The following PIPOX variants were observed in gnomAD, a reference collection of about 807,000 sequenced individuals.
PIPOX encodes the protein peroxisomal sarcosine oxidase.
A neutral mutation model predicts 47.9 loss-of-function variants in PIPOX; 45 were observed. That is an observed-to-expected ratio of 0.94 (90% confidence interval 0.74 to 1.20). The LOEUF (loss-of-function observed/expected upper bound fraction) is 1.20. PIPOX is among the 50% of genes most tolerant of loss of function. The pLI, the probability that PIPOX is intolerant of heterozygous loss-of-function variation, is 0.00. For synonymous variants in PIPOX, 165 were observed against 191.3 expected (o/e 0.86, Z 1.13); for missense variants, 458 against 498.4 (o/e 0.92, Z 0.77).
chr17:29,055,070 A>G lies in PIPOX; in HGVS notation c.815A>G (p.Tyr272Cys). 6.2e-7 allele frequency: 1 copy of G among 1,614,130 alleles called. No individual in the cohort carries two copies. Among genetic ancestry groups the G allele is most frequent in the Non-Finnish European group, 8.5e-7 (1 of 1,180,012 alleles). ...GEYPGLMKVS[Y>C]HHGNHADPEE... Reference sequence around the variant, plus strand: ...ACTCTGATTGGGAGCCAGGTCAGCTATCACCACGGCAACCACGCAGACCCT... The same window carrying G: ...ACTCTGATTGGGAGCCAGGTCAGCTGTCACCACGGCAACCACGCAGACCCT... Residue 272 changes from tyrosine (Y) to cysteine (C), a missense_variant, in exon 6 of 8, where the codon TAT becomes TGT. Tyr to Cys is a radical substitution (Grantham distance 194). Coordinates refer to ENST00000323372, the MANE Select transcript of PIPOX (RefSeq NM_016518.3).
chr17:29,049,736 G>A (rs1209711740), intron 2 of PIPOX, among the ~76,000 whole-genome samples: 1 of 152,192 alleles, frequency 6.6e-6, no homozygotes, highest in Non-Finnish European at 1.5e-5. Flanking sequence ...CATTTCTCCA[G>A]CAGCGCACGG....
chr17:29,050,658 C>A (rs1410430490), intron 2 of PIPOX, among the ~76,000 whole-genome samples: 1 of 151,844 alleles, frequency 6.6e-6, no homozygotes, highest in African/African-American at 2.4e-5. Flanking sequence ...TGCAACACAG[C>A]GAGACCCCTA....
intron 6 of PIPOX, among the ~76,000 whole-genome samples, 168 bp downstream of exon 6, chr17:29,055,389 C>T (rs2065823768): frequency 6.6e-6 from 1 of 152,134 alleles, no homozygotes; most frequent in African/African-American, 2.4e-5. Context: ...CAGGGAGGGT[C>T]CTGTTCGAAA....
Position 29,044,945 on chromosome 17 carries a change from G to A in PIPOX, c.201G>A (p.Met67Ile), listed in dbSNP as rs2065779390. 6.2e-7 allele frequency: 1 copy of A among 1,614,168 alleles called. No individual in the cohort carries two copies. The highest frequency in any genetic ancestry group is 8.5e-7 in the Non-Finnish European group (1 of 1,180,008). Residue 67 changes from methionine to isoleucine, a missense_variant, in exon 2 of 8, where the codon ATG becomes ATA. Transcript: ENST00000323372. The part of the protein sequence containing the change: ...KAYLEDFYTR[M>I]MHECYQIWAQ... ...ACCTGGAAGACTTTTACACCCGGAT[G>A]ATGCATGAGTGCTATCAGATATGGG...
intron 4 of PIPOX, 58 bp downstream of exon 4, chr17:29,053,653 G>A: frequency 7.2e-7 from 1 of 1,393,704 alleles, no homozygotes; most frequent in Non-Finnish European, 9.8e-7. Context: ...GAACCAGATG[G>A]AGTCAAATTT....
Position 29,043,154 on chromosome 17 carries a change from T to C in PIPOX, c.-72T>C. On this transcript the variant is annotated 5_prime_UTR_variant, in exon 1 of 8. Coordinates refer to ENST00000323372, the MANE Select transcript of PIPOX (RefSeq NM_016518.3). ...AGGCTGGACTTTGCCTTCCTCCTCG[T>C]CCTTTAGCCGGGAGCCTGTCTTTGC... The C allele has an allele frequency of 8.2e-7, 1 of 1,226,580 alleles. No homozygotes were observed. Among genetic ancestry groups the C allele is most frequent in the Non-Finnish European group, 1.2e-6 (1 of 847,998 alleles). The allele number at this position is 1,226,580 out of a possible 1,614,324, so 76.0% of individuals were successfully genotyped here. A position where few individuals can be genotyped will look rare whatever the true frequency, so the allele number is the denominator to read the frequency against.
chr17:29,056,403 T>C lies in PIPOX; in HGVS notation c.*98T>C. The C allele has an allele frequency of 7.1e-7, 1 of 1,406,136 alleles. No individual in the cohort carries two copies. The highest frequency in any genetic ancestry group is 9.9e-7 in the Non-Finnish European group (1 of 1,012,570). The allele number at this position is 1,406,136 out of a possible 1,614,324, so 87.1% of individuals were successfully genotyped here. A position where few individuals can be genotyped will look rare whatever the true frequency, so the allele number is the denominator to read the frequency against. On this transcript the variant is annotated 3_prime_UTR_variant, in exon 8 of 8. Transcript: ENST00000323372. ...GAGTGTCCCTGAGATATCATCCTTT[T>C]CTTCTGCCTCGCCTGAATCCCCCAT...
chr17:29,053,427 G>A lies in PIPOX; in HGVS notation c.492G>A (p.Gln164=). Residue 164 remains glutamine (Q), a synonymous_variant, in exon 4 of 8, where the codon CAG becomes CAA. Coordinates refer to ENST00000323372, the MANE Select transcript of PIPOX (RefSeq NM_016518.3). ...ALRALQDAIR[Q]LGGIVRDGEK... ...TGCCCTTTCAGGATGCAATTCGACAGCTAGGAGGCATAGTGCGTGACGGAG... is the reference window on the plus strand; with the variant it reads ...TGCCCTTTCAGGATGCAATTCGACAACTAGGAGGCATAGTGCGTGACGGAG... 1 of 1,612,022 alleles carries A rather than the reference G, an allele frequency of 6.2e-7. No homozygotes were observed. The highest frequency in any genetic ancestry group is 2.2e-5 in the East Asian group (1 of 44,846).
intron 3 of PIPOX, 71 bp downstream of exon 3, chr17:29,053,204 C>A: frequency 7.0e-7 from 1 of 1,430,964 alleles, no homozygotes; most frequent in Non-Finnish European, 9.8e-7. Context: ...AAGCAGCCAG[C>A]CCAAGACCCC....
chr17:29,050,908 G>A (rs890559405), intron 2 of PIPOX, among the ~76,000 whole-genome samples: 5 of 152,096 alleles, frequency 3.3e-5, no homozygotes, highest in African/African-American at 1.2e-4. Context: ...TTGTGAGGCT[G>A]AGGTGGGCAG....
chr17:29,053,304 G>T, intron 3 of PIPOX, 109 bp from the exon 4 acceptor site: 1 of 1,261,962 alleles, frequency 7.9e-7, no homozygotes, highest in Non-Finnish European at 1.1e-6. Flanking sequence ...GTCAATACAG[G>T]ACAGGTCTAG....
rs376426756 is a variant in PIPOX at position 29,053,141 on chromosome 17, C to A, written c.477+8C>A. On this transcript the variant is annotated splice_region_variant and intron_variant, in intron 3 of 7. Transcript: ENST00000323372. ...GCCCTCAGAGCCCTGCAGGTAATGT[C>A]GTATAGCACTGGGGCGATGCAGGTG... 9 of 1,611,264 alleles carry A rather than the reference C, an allele frequency of 5.6e-6. No individual in the cohort carries two copies. In the East Asian group the frequency reaches 1.6e-4, roughly 28 times the overall value.
In PIPOX at chr17:29,052,983, T is replaced by C. The variant is rs1182936569; in HGVS notation, c.327T>C (p.Asn109=). Residue 109 remains asparagine, a synonymous_variant, in exon 3 of 8, where the codon AAT becomes AAC. Coordinates refer to ENST00000323372, the MANE Select transcript of PIPOX (RefSeq NM_016518.3). ...AAGAATTAAAGACAATCCAGGCCAA[T>C]CTGTCGAGGCAGAGGGTAGAACACC... The part of the protein sequence containing the change: ...ENQELKTIQA[N]LSRQRVEHQC... The C allele has an allele frequency of 1.2e-6, 2 of 1,614,142 alleles. No individual in the cohort carries two copies. The highest frequency in any genetic ancestry group is 1.7e-6 in the Non-Finnish European group (2 of 1,180,056).
intron 2 of PIPOX, 55 bp from the exon 3 acceptor site, chr17:29,052,860 GTCACA>G (rs2065811447): frequency 6.8e-7 from 1 of 1,476,856 alleles, no homozygotes; most frequent in Non-Finnish European, 9.4e-7. Flanking sequence ...GGCGTGAGTC[GTCACA>G]TCAGGCCCAG....
rs368451033 is a variant in PIPOX at position 29,047,372 on chromosome 17, TCTC to T, written c.263+2369_263+2371del. ...ACCTGACACCTATAACTCATTCCAT[TCTC>T]CTCACAATCTTATGAGAGGGTTGCT... is the stretch of plus-strand genomic sequence containing the variant. On this transcript the variant is annotated intron_variant, in intron 2 of 7. Coordinates refer to ENST00000323372, the MANE Select transcript of PIPOX (RefSeq NM_016518.3). 4.7e-3 allele frequency among the ~76,000 whole-genome samples: 708 copies of T among 152,256 alleles called. 1 individual carries two copies. The highest frequency in any genetic ancestry group is 0.016 in the African/African-American group (680 of 41,534).
chr17:29,045,161 T>C (rs2065780565), intron 2 of PIPOX, among the ~76,000 whole-genome samples, 154 bp downstream of exon 2: 1 of 152,190 alleles, frequency 6.6e-6, no homozygotes, highest in Non-Finnish European at 1.5e-5. Flanking sequence ...TCTGCTGTCA[T>C]GGTGGTCACC....
chr17:29,046,521 G>A, intron 2 of PIPOX: 4 of 892,604 alleles, frequency 4.5e-6, no homozygotes, highest in Non-Finnish European at 5.4e-6. Context: ...TGAGACTTTT[G>A]TGAAATACTT....
chr17:29,055,099 G>A lies in PIPOX; in HGVS notation c.844G>A (p.Glu282Lys). 1 of 1,614,130 alleles carries A rather than the reference G, an allele frequency of 6.2e-7. No homozygotes were observed. The highest frequency in any genetic ancestry group is 8.5e-7 in the Non-Finnish European group (1 of 1,180,022). The change falls in exon 6 of 8, where the codon GAG becomes AAG. Residue 282 changes from glutamate (E) to lysine (K), a missense_variant. Coordinates refer to ENST00000323372, the MANE Select transcript of PIPOX (RefSeq NM_016518.3). ...YHHGNHADPE[E>K]RDCPTARTDI... ...CCACGGCAACCACGCAGACCCTGAG[G>A]AGCGGGACTGCCCCACAGCACGCAC...
rs932080551 is a variant in PIPOX at position 29,049,339 on chromosome 17, G to T, written c.264-3581G>T. Reference sequence around the variant, plus strand: ...CCCGGTCATTTTTTATCCTGCTGATGCCCTTGTCTCCTCTCACCCTTCTCC... The same window carrying T: ...CCCGGTCATTTTTTATCCTGCTGATTCCCTTGTCTCCTCTCACCCTTCTCC... On this transcript the variant is annotated intron_variant, in intron 2 of 7. Transcript: ENST00000323372. 8.5e-5 allele frequency among the ~76,000 whole-genome samples: 13 copies of T among 152,214 alleles called. No homozygotes were observed. In the East Asian group the frequency reaches 2.5e-3, roughly 29 times the overall value.
Sources: allele counts gnomAD v4.1 joint callset (sites outside exome capture counted in the v4.1 genomes callset), GRCh38; gene constraint gnomAD v4.1.1; transcripts MANE v1.5; gene names NCBI Gene and HGNC (gene_info 2026-07-23, HGNC 2026-07-21).